The following RAPGEF2 variants were observed in gnomAD, a reference collection of about 807,000 sequenced individuals.
The protein encoded by RAPGEF2 is PDZ domain containing guanine nucleotide exchange factor (GEF) 1.
In RAPGEF2, 54 loss-of-function variants were observed where a neutral mutation model predicts 186.7. That is an observed-to-expected ratio of 0.29 (90% CI 0.23 to 0.36). The LOEUF (loss-of-function observed/expected upper bound fraction) is 0.36. RAPGEF2 is among the 10% of genes least tolerant of loss of function. RAPGEF2 has a pLI of 1.00. For synonymous variants in RAPGEF2, 712 were observed against 705.9 expected, an observed-to-expected ratio of 1.01 and a Z score of -0.14; for missense variants, 1,532 against 2,045.0, an observed-to-expected ratio of 0.75 and a Z score of 4.84.
At chr4:159,170,018 A>C (rs569613893) in intron 1 of RAPGEF2, among the ~76,000 whole-genome samples, 15 of 150,722 alleles carry the variant, frequency 1.0e-4, no homozygotes, top group African/African-American at 3.2e-4. Context: ...TGAATATACT[A>C]ATTTACATTC....
intron 20 of RAPGEF2, among the ~76,000 whole-genome samples, chr4:159,342,777 A>T (rs921018840): frequency 1.3e-5 from 2 of 151,910 alleles, no homozygotes; most frequent in African/African-American, 4.8e-5. Flanking sequence ...ACGGAAGAGA[A>T]GAGTAAAACG....
At chr4:159,243,850 C>G (rs1369647381) in intron 7 of RAPGEF2, 59 bp downstream of exon 7, 8 of 1,111,332 alleles carry the variant, frequency 7.2e-6, no homozygotes, top group South Asian at 1.3e-5. Context: ...TGAATTTGCA[C>G]TGTTACTAAT....
intron 7 of RAPGEF2, among the ~76,000 whole-genome samples, chr4:159,251,023 C>T (rs1370143819): frequency 6.6e-6 from 1 of 152,202 alleles, no homozygotes; most frequent in African/African-American, 2.4e-5. Flanking sequence ...CAGAGTGGCC[C>T]GCCGGTGCTG....
intron 7 of RAPGEF2, chr4:159,267,138 G>A: frequency 1.6e-6 from 2 of 1,266,134 alleles, no homozygotes; most frequent in Non-Finnish European, 2.1e-6. Context: ...TGCATTGAGT[G>A]TGAGCCTTGC....
At chr4:159,147,256 C>G (rs1250067531) in intron 1 of RAPGEF2, among the ~76,000 whole-genome samples, 1 of 151,816 alleles carries the variant, frequency 6.6e-6, no homozygotes, top group East Asian at 1.9e-4. Context: ...AAAAAGCAAA[C>G]ATGTTAATAT....
At chr4:159,161,222 T>C (rs1292683242) in intron 1 of RAPGEF2, among the ~76,000 whole-genome samples, 1 of 152,250 alleles carries the variant, frequency 6.6e-6, no homozygotes, top group Non-Finnish European at 1.5e-5. Flanking sequence ...CAATTGTTAG[T>C]AAAATTGAAC....
intron 11 of RAPGEF2, 48 bp from the exon 12 acceptor site, chr4:159,329,810 C>T: frequency 2.0e-6 from 3 of 1,530,446 alleles, no homozygotes; most frequent in Non-Finnish European, 2.7e-6. Context: ...ACTGCTAGGT[C>T]TTTTGCAAGC....
intron 9 of RAPGEF2, among the ~76,000 whole-genome samples, chr4:159,320,100 T>C (rs1765057392): frequency 6.6e-6 from 1 of 152,160 alleles, no homozygotes; most frequent in Non-Finnish European, 1.5e-5. Context: ...AAAAGTAAAA[T>C]GCATGGTCTA....
intron 5 of RAPGEF2, among the ~76,000 whole-genome samples, chr4:159,240,425 C>A (rs549699833): frequency 6.7e-6 from 1 of 148,702 alleles, no homozygotes; most frequent in South Asian, 2.1e-4. Context: ...CCTCCACCTC[C>A]TGGGTTCAAG....
In RAPGEF2 at chr4:159,342,876, G is replaced by A. The variant is rs1260653888; in HGVS notation, c.2919-103G>A. 24 of 977,152 alleles carry A rather than the reference G, an allele frequency of 2.5e-5. No individual in the cohort carries two copies. In the Admixed American group the frequency reaches 6.0e-4, roughly 24 times the overall value. 60.5% of individuals were successfully genotyped at this position (977,152 alleles called of 1,614,324 possible). ...TTTCTTATGCAGCCTTCTGTAAATT[G>A]TTATGCATATAAAGCATAAACATAG... On this transcript the variant is annotated intron_variant, in intron 20 of 29. Transcript: ENST00000691494.
At chr4:159,291,536 T>A (rs1192622124) in intron 7 of RAPGEF2, among the ~76,000 whole-genome samples, 2 of 152,174 alleles carry the variant, frequency 1.3e-5, no homozygotes, top group African/African-American at 2.4e-5. Flanking sequence ...ACTCAAGCTA[T>A]CCTCCCACCT....
In RAPGEF2 at chr4:159,341,553, GT is replaced by G; in HGVS notation, c.2535-6del. On this transcript the variant is annotated splice_polypyrimidine_tract_variant and intron_variant, in intron 19 of 29. Transcript: ENST00000691494. ...TAGGCTTTGACTCTGATATGTTTCT[GT>G]TTTTCATAGGTATTATCTGAAAAAC... 6.4e-7 allele frequency: 1 copy of G among 1,565,204 alleles called. No individual in the cohort carries two copies. The highest frequency in any genetic ancestry group is 8.6e-7 in the Non-Finnish European group (1 of 1,160,172).
intron 1 of RAPGEF2, among the ~76,000 whole-genome samples, chr4:159,168,056 G>A (rs766232755): frequency 3.9e-5 from 6 of 152,184 alleles, no homozygotes; most frequent in Non-Finnish European, 7.4e-5. Flanking sequence ...GTCCAGTGAC[G>A]CAGTTTTTAT....
chr4:159,205,396 G>C (rs1246261773), intron 3 of RAPGEF2, among the ~76,000 whole-genome samples: 1 of 151,958 alleles, frequency 6.6e-6, no homozygotes, highest in African/African-American at 2.4e-5. Flanking sequence ...CTTACTTCTT[G>C]TCTTACAATG....
chr4:159,239,911 A>T (rs1023605276), intron 5 of RAPGEF2, among the ~76,000 whole-genome samples: 5 of 152,208 alleles, frequency 3.3e-5, no homozygotes, highest in African/African-American at 1.2e-4. Context: ...TTTCCCTATG[A>T]TGTAGGAGAG....
At chr4:159,150,698 C>G (rs577643442) in intron 1 of RAPGEF2, among the ~76,000 whole-genome samples, 2 of 152,202 alleles carry the variant, frequency 1.3e-5, no homozygotes, top group Non-Finnish European at 2.9e-5. Flanking sequence ...GTGCATGTCC[C>G]TTGAATGACC....
intron 25 of RAPGEF2, among the ~76,000 whole-genome samples, chr4:159,349,124 C>A (rs1580054225): frequency 6.6e-6 from 1 of 152,198 alleles, no homozygotes; most frequent in African/African-American, 2.4e-5. Context: ...ACTACCCATT[C>A]AATTAGCTTT....
intron 19 of RAPGEF2, 79 bp downstream of exon 19, chr4:159,339,433 A>G (rs1248302877): frequency 2.0e-6 from 3 of 1,497,892 alleles, no homozygotes; most frequent in East Asian, 2.3e-5. Context: ...AGCAATTTTC[A>G]AAGTGTTTTT....
chr4:159,260,636 G>A (rs1756719316), intron 7 of RAPGEF2, among the ~76,000 whole-genome samples: 1 of 152,030 alleles, frequency 6.6e-6, no homozygotes, highest in Non-Finnish European at 1.5e-5. Context: ...AATTAGCACA[G>A]GTATTTGACA....
Sources: gnomAD v4.1 joint callset for allele counts (sites outside exome capture counted in the v4.1 genomes callset) on GRCh38, gnomAD v4.1.1 for gene constraint, MANE v1.5 for transcripts, NCBI Gene and HGNC (gene_info 2026-07-23, HGNC 2026-07-21) for gene names.